The following VWA8 variants were observed in gnomAD, a reference collection of about 807,000 sequenced individuals.
VWA8 encodes von Willebrand factor A domain-containing protein 8.
VWA8 carries 221 observed loss-of-function variants against 241.5 expected under a neutral mutation model. That is an observed-to-expected ratio of 0.91 (90% confidence interval 0.82 to 1.02). VWA8 has a LOEUF of 1.02. Ranked by LOEUF, VWA8 falls within the 50% of genes least tolerant of loss-of-function variation. The pLI, the probability that VWA8 is intolerant of heterozygous loss-of-function variation, is 0.00. For missense variants in VWA8, 2,322 were observed against 2,328.7 expected, an observed-to-expected ratio of 1.00 and a Z score of 0.06; for synonymous variants, 852 against 827.1, an observed-to-expected ratio of 1.03 and a Z score of -0.52.
chr13:41,745,716 T>C (rs1436290386), intron 21 of VWA8, among the ~76,000 whole-genome samples: 3 of 152,266 alleles, frequency 2.0e-5, no homozygotes, highest in Non-Finnish European at 1.5e-5. Flanking sequence ...CAACAGGTGC[T>C]GGAGAGCATG....
At chr13:41,820,616 T>C (rs1455851485) in intron 14 of VWA8, among the ~76,000 whole-genome samples, 1 of 152,172 alleles carries the variant, frequency 6.6e-6, no homozygotes, top group Non-Finnish European at 1.5e-5. Flanking sequence ...GAAAAAGACT[T>C]ATTTGCAGGT....
rs2045120632 is a variant in VWA8, at chr13:41,684,342, G to GGTT, written c.4327+704_4327+705insAAC. ...CAAGATAATATATCACTACCACTGT[G>GGTT]ACATAAAAAAAAAAAGTCAATTAAT... On this transcript the variant is annotated intron_variant, in intron 35 of 44. Transcript: ENST00000379310. Among the ~76,000 whole-genome samples the GGTT allele has an allele frequency of 2.7e-5, 4 of 150,008 alleles. No homozygotes were observed. The East Asian group carries it at 7.9e-4, about 30-fold the overall frequency.
At chr13:41,753,590 A>G (rs1376706994) in intron 21 of VWA8, among the ~76,000 whole-genome samples, 3 of 152,180 alleles carry the variant, frequency 2.0e-5, no homozygotes, top group Admixed American at 6.6e-5. Flanking sequence ...TTCTCTCCAG[A>G]CATCTTGATT....
intron 16 of VWA8, among the ~76,000 whole-genome samples, chr13:41,814,061 A>C (rs1053888192): frequency 4.6e-5 from 7 of 152,198 alleles, no homozygotes; most frequent in African/African-American, 1.7e-4. Context: ...CTTCATTTTT[A>C]TAAAAGAATG....
chr13:41,800,632 CA>C (rs11323563), intron 17 of VWA8, among the ~76,000 whole-genome samples: 120,471 of 149,206 alleles, frequency 0.81, 49,473 homozygotes, highest in East Asian at 1. Context: ...ACTAAAAATA[CA>C]AAAAAAAAAA....
chr13:41,662,493 C>G (rs2044957021), intron 37 of VWA8, among the ~76,000 whole-genome samples: 1 of 148,922 alleles, frequency 6.7e-6, no homozygotes, highest in Non-Finnish European at 1.5e-5. Flanking sequence ...CTTCGATAAA[C>G]TCATTTATTA....
chr13:41,652,860 T>C (rs1264962387), intron 37 of VWA8, among the ~76,000 whole-genome samples: 1 of 152,200 alleles, frequency 6.6e-6, no homozygotes, highest in East Asian at 1.9e-4. Context: ...TGCTTTTATA[T>C]TACAACTTCC....
chr13:41,663,216 C>T (rs2044963766), intron 37 of VWA8, among the ~76,000 whole-genome samples: 1 of 151,762 alleles, frequency 6.6e-6, no homozygotes, highest in South Asian at 2.1e-4. Flanking sequence ...CCAGCTTATT[C>T]AGTTACATAA....
intron 37 of VWA8, among the ~76,000 whole-genome samples, chr13:41,661,107 G>A (rs1423757300): frequency 2.6e-5 from 4 of 152,030 alleles, no homozygotes; most frequent in African/African-American, 7.2e-5. Context: ...CTTGTGATCC[G>A]CCCACCTCAG....
intron 21 of VWA8, among the ~76,000 whole-genome samples, chr13:41,753,689 T>C (rs2045672244): frequency 6.6e-6 from 1 of 152,162 alleles, no homozygotes; most frequent in Non-Finnish European, 1.5e-5. Flanking sequence ...AGTACACTGG[T>C]TGTGTTTTGT....
chr13:41,627,488 C>A (rs756708683), intron 37 of VWA8, among the ~76,000 whole-genome samples: 4 of 152,118 alleles, frequency 2.6e-5, no homozygotes, highest in Admixed American at 6.6e-5. Context: ...AACCTAGAAG[C>A]CTGGCATGCT....
chr13:41,881,898 C>T (rs1336533050), intron 9 of VWA8, among the ~76,000 whole-genome samples: 4 of 142,038 alleles, frequency 2.8e-5, no homozygotes, highest in East Asian at 2.3e-4. Flanking sequence ...GCTGGCCTGG[C>T]GGGGGCTGAC....
Position 41,866,032 on chromosome 13 carries a change from G to A in VWA8, c.1217C>T (p.Pro406Leu), listed in dbSNP as rs1401298041. The A allele has an allele frequency of 6.2e-7, 1 of 1,613,838 alleles. No individual in the cohort carries two copies. The highest frequency in any genetic ancestry group is 8.5e-7 in the Non-Finnish European group (1 of 1,179,822). The change falls in exon 11 of 45, where the codon CCA becomes CTA. Residue 406 changes from proline to leucine, a missense_variant. By Grantham distance (98) the Pro-to-Leu change is moderately conservative (BLOSUM62 -3). Transcript: ENST00000379310. ...TTGACTTAATAGCCTGGTCCCGGCTGGCACCTATAATTAAAGAGAGGTCAA... is the reference window on the plus strand; with the variant it reads ...TTGACTTAATAGCCTGGTCCCGGCTAGCACCTATAATTAAAGAGAGGTCAA... Reference protein sequence around the residue: ...IADKEVTIKVPAGTRLLSQPC... With the variant: ...IADKEVTIKVLAGTRLLSQPC...
At chr13:41,855,372 T>C (rs1182554543) in intron 12 of VWA8, among the ~76,000 whole-genome samples, 2 of 145,072 alleles carry the variant, frequency 1.4e-5, no homozygotes, top group African/African-American at 5.0e-5. Flanking sequence ...ATATTAATAT[T>C]ATATAAAATA....
chr13:41,883,019 T>TA (rs1275826678), intron 9 of VWA8, among the ~76,000 whole-genome samples: 1 of 152,208 alleles, frequency 6.6e-6, no homozygotes, highest in Non-Finnish European at 1.5e-5. Flanking sequence ...TCCAATACCT[T>TA]AGAGTTTTTT....
chr13:41,767,816 A>G (rs1010547415), intron 20 of VWA8, among the ~76,000 whole-genome samples: 1 of 152,270 alleles, frequency 6.6e-6, no homozygotes, highest in Admixed American at 6.5e-5. Context: ...TAAATGGCAA[A>G]AATCCACTTT....
Position 41,784,729 on chromosome 13 carries a change from T to TACACAC in VWA8, c.2171-834_2171-829dup, listed in dbSNP as rs1555335120. Among the ~76,000 whole-genome samples the TACACAC allele has an allele frequency of 1.6e-3, 95 of 60,096 alleles. 4 individuals carry two copies. The highest frequency in any genetic ancestry group is 2.6e-3 in the South Asian group (5 of 1,896). The allele number at this position is 60,096 out of a possible 152,430, so 39.4% of individuals were successfully genotyped here. ...ATATATATATATATATATATATATA[T>TACACAC]ACACACACATATATATATATATATA... On this transcript the variant is annotated intron_variant, in intron 18 of 44. Coordinates refer to ENST00000379310, the MANE Select transcript of VWA8 (RefSeq NM_015058.2).
At chr13:41,727,996 T>C (rs919689700) in intron 23 of VWA8, among the ~76,000 whole-genome samples, 3 of 152,116 alleles carry the variant, frequency 2.0e-5, no homozygotes, top group African/African-American at 7.2e-5. Flanking sequence ...CAGAAAATAA[T>C]TTAAGATAGT....
At chr13:41,826,961 T>A (rs1013558961) in intron 14 of VWA8, among the ~76,000 whole-genome samples, 1 of 152,180 alleles carries the variant, frequency 6.6e-6, no homozygotes, top group African/African-American at 2.4e-5. Flanking sequence ...AGGGGAGATT[T>A]AGACAGTAAG....
Sources: allele counts gnomAD v4.1 joint callset (sites outside exome capture counted in the v4.1 genomes callset), GRCh38; gene constraint gnomAD v4.1.1; transcripts MANE v1.5; gene names NCBI Gene and HGNC (gene_info 2026-07-23, HGNC 2026-07-21).